SNURF: variants seen among roughly 807,000 people sequenced by gnomAD.
SNURF encodes SNRPN upstream open reading frame, also known as SNURF protein.
In SNURF, 6 loss-of-function variants were observed where a neutral mutation model predicts 11.6. The ratio of observed to expected loss-of-function variants is 0.52; its 90% CI spans 0.28 to 1.02. The LOEUF (loss-of-function observed/expected upper bound fraction) is 1.02. Among genes scored for constraint, SNURF ranks in the 50% least tolerant of loss-of-function variants. The probability of loss-of-function intolerance (pLI) is 0.09; values close to 1 mark genes in which losing one functional copy is unlikely to be tolerated. For synonymous variants in SNURF, 29 were observed against 31.6 expected, an observed-to-expected ratio of 0.92 and a Z score of 0.27; for missense variants, 84 against 88.4, an observed-to-expected ratio of 0.95 and a Z score of 0.20.
downstream of SNURF, among the ~76,000 whole-genome samples, chr15:24,972,149 A>G (rs920835923): frequency 2.0e-5 from 3 of 151,440 alleles, no homozygotes; most frequent in Non-Finnish European, 4.4e-5. Context: ...CTAGCTACTC[A>G]GGAGGCTGAG....
intron 2 of SNURF, among the ~76,000 whole-genome samples, chr15:24,966,128 A>G (rs921136063): frequency 1.3e-5 from 2 of 152,204 alleles, no homozygotes; most frequent in African/African-American, 4.8e-5. Flanking sequence ...ATTCCCCTCA[A>G]TGCAGACACC....
chr15:24,964,476 T>C (rs1946119480), intron 2 of SNURF, among the ~76,000 whole-genome samples: 2 of 152,200 alleles, frequency 1.3e-5, no homozygotes, highest in South Asian at 4.2e-4. Context: ...ATTTTTTTAG[T>C]AGAGACAGGG....
intron 1 of SNURF, among the ~76,000 whole-genome samples, chr15:24,960,901 A>G (rs2074684389): frequency 6.6e-6 from 1 of 152,230 alleles, no homozygotes; most frequent in Admixed American, 6.5e-5. Flanking sequence ...AATTAGTGGC[A>G]TAAATGTGTC....
chr15:24,960,582 T>C (rs1805602740), intron 1 of SNURF, among the ~76,000 whole-genome samples: 1 of 152,162 alleles, frequency 6.6e-6, no homozygotes. Flanking sequence ...CAGCCTTCCA[T>C]GAACCATTGC....
intron 1 of SNURF, among the ~76,000 whole-genome samples, chr15:24,957,539 G>C (rs1366341878): frequency 6.6e-6 from 1 of 152,094 alleles, no homozygotes; most frequent in African/African-American, 2.4e-5. Context: ...GTCTTCCTTT[G>C]CAGGATTTTC....
downstream of SNURF, chr15:24,978,323 G>C: frequency 6.2e-7 from 1 of 1,614,154 alleles, no homozygotes; most frequent in Non-Finnish European, 8.5e-7. Context: ...TTAGAGGTGA[G>C]TGGGAGCATA....
downstream of SNURF, among the ~76,000 whole-genome samples, chr15:24,971,554 T>A (rs1436850783): frequency 6.6e-6 from 1 of 151,618 alleles, no homozygotes; most frequent in Non-Finnish European, 1.5e-5. Context: ...TATATAAATA[T>A]AAAATAATAA....
chr15:24,956,014 G>C (rs1201443277), intron 1 of SNURF, among the ~76,000 whole-genome samples: 1 of 152,058 alleles, frequency 6.6e-6, no homozygotes, highest in Non-Finnish European at 1.5e-5. Flanking sequence ...TGCCTACTGT[G>C]GTGGTGGTGC....
intron 1 of SNURF, among the ~76,000 whole-genome samples, chr15:24,959,674 G>A (rs942353614): frequency 1.3e-5 from 2 of 152,136 alleles, no homozygotes; most frequent in Non-Finnish European, 2.9e-5. Context: ...ATTATTAGCT[G>A]TATTTGTGTG....
chr15:24,976,390 A>G, exon 5 of SNURF: 1 of 1,612,112 alleles, frequency 6.2e-7, no homozygotes, highest in Non-Finnish European at 8.5e-7. Context: ...GGTATCCATG[A>G]CTGTGGAGGG....
chr15:24,978,314 T>G (rs749619229), downstream of SNURF: 24 of 1,613,998 alleles, frequency 1.5e-5, no homozygotes, highest in Non-Finnish European at 1.9e-5. Flanking sequence ...CACCAGGCAT[T>G]AGAGGTGAGT....
At chr15:24,968,905 A>G (rs1454961038), downstream of SNURF, 2 of 151,664 alleles carry the variant, frequency 1.3e-5, no homozygotes, top group Non-Finnish European at 2.9e-5. Flanking sequence ...GTCGATTTTG[A>G]TTTGTTTTCT....
At chr15:24,974,316 A>G (rs2076817403) in intron 3 of SNURF, 2 of 782,634 alleles carry the variant, frequency 2.6e-6, no homozygotes, top group Admixed American at 3.7e-5. Flanking sequence ...TGCAGGCTCC[A>G]TCTACTCTTT....
chr15:24,956,351 C>CGG (rs2062872746), intron 1 of SNURF, among the ~76,000 whole-genome samples: 1 of 81,036 alleles, frequency 1.2e-5, no homozygotes, highest in Non-Finnish European at 2.8e-5. Flanking sequence ...GCAAGCGCTT[C>CGG]AGCGGGGGGG....
chr15:24,974,496 A>G (rs1596330901), intron 3 of SNURF: 4 of 1,602,770 alleles, frequency 2.5e-6, no homozygotes, highest in Non-Finnish European at 3.4e-6. Context: ...AATGTGCTGT[A>G]AGGGCCGAAA....
At chr15:24,967,808 G>GGA (rs1566966072) in intron 2 of SNURF, 124 bp from the exon 3 acceptor site, 2 of 491,526 alleles carry the variant, frequency 4.1e-6, no homozygotes, top group African/African-American at 2.7e-5. Context: ...ACCCTGTCTG[G>GGA]AAAAAAAAAA....
At chr15:24,965,874 T>A (rs995252017) in intron 2 of SNURF, among the ~76,000 whole-genome samples, 4 of 152,194 alleles carry the variant, frequency 2.6e-5, no homozygotes, top group Admixed American at 6.5e-5. Flanking sequence ...TATATATATT[T>A]TTTTTTACTG....
At chr15:24,976,768 A>G (rs1260974915) in intron 5 of SNURF, 1 of 947,770 alleles carries the variant, frequency 1.1e-6, no homozygotes, top group Non-Finnish European at 1.7e-6. Context: ...CAGAACTAAT[A>G]TGAGATAGGT....
intron 6 of SNURF, among the ~76,000 whole-genome samples, chr15:24,977,228 G>T (rs2153708036): frequency 6.6e-6 from 1 of 152,294 alleles, no homozygotes; most frequent in South Asian, 2.1e-4. Flanking sequence ...AGTTACCCAG[G>T]TTACTCTTGG....
Sources: gnomAD v4.1 joint callset for allele counts (sites outside exome capture counted in the v4.1 genomes callset) on GRCh38, gnomAD v4.1.1 for gene constraint, MANE v1.5 for transcripts, NCBI Gene and HGNC (gene_info 2026-07-23, HGNC 2026-07-21) for gene names.